Variants in SHQ1 observed in about 807,000 individuals in gnomAD.
The protein encoded by SHQ1 is SHQ1, H/ACA ribonucleoprotein assembly factor.
SHQ1 carries 49 observed loss-of-function variants against 53.8 expected under a neutral mutation model. The ratio of observed to expected loss-of-function variants is 0.91; its 90% CI spans 0.72 to 1.16. SHQ1 has a LOEUF of 1.16. SHQ1 is among the 50% of genes most tolerant of loss of function. The probability of loss-of-function intolerance (pLI) is 0.00; values close to 1 mark genes in which losing one functional copy is unlikely to be tolerated. For missense variants in SHQ1, 738 were observed against 683.1 expected (o/e 1.08, Z -0.90); for synonymous variants, 243 against 251.0 (o/e 0.97, Z 0.30).
chr3:72,730,822 A>G, the SHQ1 span, among the ~76,000 whole-genome samples: 2 of 150,760 alleles, frequency 1.3e-5, no homozygotes, highest in Non-Finnish European at 3.0e-5. Flanking sequence ...TCTTCCTTCC[A>G]TGTCTGCTTT....
At chr3:72,805,715 A>G (rs1471360140) in intron 9 of SHQ1, among the ~76,000 whole-genome samples, 3 of 152,312 alleles carry the variant, frequency 2.0e-5, no homozygotes, top group African/African-American at 4.8e-5. Context: ...ATCACCCATC[A>G]GTAAGCATTT....
Position 72,750,670 on chromosome 3 carries a change from A to G in SHQ1, c.1348T>C (p.Ser450Pro). 1 of 1,611,378 alleles carries G rather than the reference A, an allele frequency of 6.2e-7. No homozygotes were observed. The highest frequency in any genetic ancestry group is 8.5e-7 in the Non-Finnish European group (1 of 1,178,544). ...TCCGAATCACTTGCCTCAGAGCTGG[A>G]GCAAAGTGTCTGCTGCCCAGAAACT... ...HSVSGQQTLC[S>P]SSEASDSEDS... The change falls in exon 11 of 11, where the codon TCC (serine) becomes CCC (proline). Residue 450 changes from serine (S) to proline (P), a missense_variant. Coordinates refer to ENST00000325599, the MANE Select transcript of SHQ1 (RefSeq NM_018130.3).
chr3:72,751,994 G>GTCA (rs1343739588), intron 10 of SHQ1, among the ~76,000 whole-genome samples: 4 of 152,120 alleles, frequency 2.6e-5, no homozygotes, highest in African/African-American at 9.7e-5. Context: ...GTAAACCTAT[G>GTCA]TCATGTATGA....
chr3:72,769,624 C>T (rs1322853918), intron 10 of SHQ1, among the ~76,000 whole-genome samples: 1 of 152,222 alleles, frequency 6.6e-6, no homozygotes, highest in Non-Finnish European at 1.5e-5. Flanking sequence ...TTCTACTCCA[C>T]TAGGCCTTGC....
At chr3:72,741,894 T>C in the SHQ1 span, among the ~76,000 whole-genome samples, 1 of 152,148 alleles carries the variant, frequency 6.6e-6, no homozygotes, top group African/African-American at 2.4e-5. Context: ...GTATTAGGTA[T>C]TATAAGTAAT....
At chr3:72,844,563 T>C (rs536564630) in intron 1 of SHQ1, 140 bp from the exon 2 acceptor site, 5 of 730,944 alleles carry the variant, frequency 6.8e-6, no homozygotes, top group South Asian at 6.3e-5. Flanking sequence ...CACATTTTAA[T>C]AAACTAAGTT....
chr3:72,815,194 CA>C (rs1363300783), intron 8 of SHQ1, among the ~76,000 whole-genome samples, 155 bp downstream of exon 8: 1 of 152,110 alleles, frequency 6.6e-6, no homozygotes, highest in East Asian at 1.9e-4. Context: ...GGTTCATTAT[CA>C]GAATTTTATT....
chr3:72,833,987 G>A (rs1017565605), intron 4 of SHQ1, among the ~76,000 whole-genome samples: 3 of 152,202 alleles, frequency 2.0e-5, no homozygotes, highest in African/African-American at 7.2e-5. Flanking sequence ...TTTATAAACA[G>A]ACTTATAGGT....
At chr3:72,776,442 T>C (rs962056214) in intron 10 of SHQ1, among the ~76,000 whole-genome samples, 2 of 152,178 alleles carry the variant, frequency 1.3e-5, no homozygotes, top group African/African-American at 4.8e-5. Flanking sequence ...AGGTGTGTAG[T>C]AGGCTATGCC....
At chr3:72,790,900 A>G (rs1407546491) in intron 10 of SHQ1, among the ~76,000 whole-genome samples, 1 of 152,128 alleles carries the variant, frequency 6.6e-6, no homozygotes, top group East Asian at 1.9e-4. Context: ...TCACTCCCCA[A>G]TACATTATCC....
At chr3:72,742,917 TGAGCCACTGCACCCAGCCGA>T in the SHQ1 span, among the ~76,000 whole-genome samples, 1 of 152,208 alleles carries the variant, frequency 6.6e-6, no homozygotes, top group Non-Finnish European at 1.5e-5. Context: ...ATTACAGGCG[TGAGCCACTGCACCCAGCCGA>T]GAGTTTTTCT....
chr3:72,787,116 T>C (rs1030869879), intron 10 of SHQ1, among the ~76,000 whole-genome samples: 1 of 152,236 alleles, frequency 6.6e-6, no homozygotes. Context: ...ACTTATGAAA[T>C]GACAGATAAC....
At chr3:72,727,275 A>AATCAGC in the SHQ1 span, among the ~76,000 whole-genome samples, 1 of 152,144 alleles carries the variant, frequency 6.6e-6, no homozygotes, top group Non-Finnish European at 1.5e-5. Flanking sequence ...AGTAAACCAT[A>AATCAGC]CACAAACATG....
chr3:72,843,573 G>A (rs531718677), intron 2 of SHQ1, among the ~76,000 whole-genome samples: 49 of 152,182 alleles, frequency 3.2e-4, no homozygotes, highest in Admixed American at 2.0e-3. Context: ...AAATATCTCC[G>A]CATACACAAT....
the SHQ1 span, among the ~76,000 whole-genome samples, chr3:72,728,438 A>G: frequency 1.8e-4 from 28 of 152,226 alleles, no homozygotes; most frequent in Admixed American, 1.7e-3. Context: ...CGAGGCAGCT[A>G]TAGACACATC....
At chr3:72,833,417 G>A (rs958424409) in intron 4 of SHQ1, among the ~76,000 whole-genome samples, 4 of 151,826 alleles carry the variant, frequency 2.6e-5, no homozygotes, top group African/African-American at 9.7e-5. Flanking sequence ...CTCTGGCCTG[G>A]GCGACAGAGC....
intron 10 of SHQ1, among the ~76,000 whole-genome samples, chr3:72,765,557 A>ATATATATATATTTT (rs1491527508): frequency 1.7e-5 from 1 of 57,188 alleles, no homozygotes; most frequent in African/African-American, 7.9e-5. Context: ...ATATATATAT[A>ATATATATATATTTT]TTTTTTTTTT....
chr3:72,740,885 T>G, the SHQ1 span, among the ~76,000 whole-genome samples: 1 of 152,206 alleles, frequency 6.6e-6, no homozygotes, highest in East Asian at 1.9e-4. Flanking sequence ...TCCTCCTTCC[T>G]GAGTCGAGTT....
chr3:72,788,936 A>G (rs1706344184), intron 10 of SHQ1, among the ~76,000 whole-genome samples: 1 of 152,146 alleles, frequency 6.6e-6, no homozygotes, highest in Non-Finnish European at 1.5e-5. Context: ...GGACACAAAC[A>G]CTGCAGAAGG....
Sources: gnomAD v4.1 joint callset for allele counts (sites outside exome capture counted in the v4.1 genomes callset) on GRCh38, gnomAD v4.1.1 for gene constraint, MANE v1.5 for transcripts, NCBI Gene and HGNC (gene_info 2026-07-23, HGNC 2026-07-21) for gene names.